Variants in MATR3 observed in about 807,000 individuals in gnomAD.
MATR3 encodes matrin 3, also known as matrin-3.
Under a neutral mutation model 85.5 loss-of-function variants are expected in MATR3, and 4 were observed. The observed-to-expected ratio is 0.05, with a 90% CI of 0.02 to 0.11. MATR3 has a LOEUF of 0.11. Ranked by LOEUF, MATR3 falls within the 10% of genes least tolerant of loss-of-function variation. MATR3 has a pLI of 1.00. For missense variants in MATR3, 685 were observed against 1,016.1 expected, an observed-to-expected ratio of 0.67 and a Z score of 4.43; for synonymous variants, 336 against 343.1, an observed-to-expected ratio of 0.98 and a Z score of 0.23.
chr5:139,277,295 A>T (rs567614135), intron 2 of MATR3, among the ~76,000 whole-genome samples: 3 of 152,166 alleles, frequency 2.0e-5, no homozygotes, highest in Admixed American at 2.0e-4. Flanking sequence ...GAGCCACTGC[A>T]CCGTGCCTGG....
At chr5:139,315,286 C>T (rs1053305460) in intron 3 of MATR3, 4 of 217,570 alleles carry the variant, frequency 1.8e-5, no homozygotes, top group African/African-American at 9.5e-5. Flanking sequence ...TTCACATATG[C>T]CTAACTCTGT....
At chr5:139,324,440 A>T (rs1755741496) in intron 12 of MATR3, among the ~76,000 whole-genome samples, 1 of 151,910 alleles carries the variant, frequency 6.6e-6, no homozygotes, top group Admixed American at 6.6e-5. Context: ...ACAGGTGTCC[A>T]CCACCACACG....
rs1299483173 is a variant in MATR3 at position 139,321,963 on chromosome 5, C to T, written c.1668C>T (p.Ala556=). ...MAMVDHCLKK[A]LWFQGRCVKV... ...TGGTTGACCATTGTTTGAAAAAAGC[C>T]CTTTGGTTTCAGGGGAGATGTGTGA... The change falls in exon 10 of 15, where the codon GCC becomes GCT. Residue 556 remains alanine, a synonymous_variant. Coordinates refer to ENST00000394805, the MANE Select transcript of MATR3 (RefSeq NM_018834.6). 6.2e-7 allele frequency: 1 copy of T among 1,613,870 alleles called. No individual in the cohort carries two copies. Among genetic ancestry groups the T allele is most frequent in the Admixed American group, 1.7e-5 (1 of 60,002 alleles).
intron 9 of MATR3, among the ~76,000 whole-genome samples, chr5:139,320,766 G>A (rs1193598442): frequency 3.6e-5 from 1 of 27,522 alleles, no homozygotes; most frequent in Non-Finnish European, 7.6e-5. Context: ...TTTTTTTTTT[G>A]AGACAGAGTC....
intron 14 of MATR3, among the ~76,000 whole-genome samples, chr5:139,327,470 G>A (rs956937806): frequency 2.6e-5 from 4 of 152,194 alleles, no homozygotes; most frequent in African/African-American, 4.8e-5. Flanking sequence ...GCCCAAGGCT[G>A]AAGTGCAATG....
In MATR3 at chr5:139,307,968, A is replaced by C. The variant is rs749903796; in HGVS notation, c.553A>C (p.Arg185=). The C allele has an allele frequency of 6.2e-7, 1 of 1,614,190 alleles. No individual in the cohort carries two copies. The highest frequency in any genetic ancestry group is 8.5e-7 in the Non-Finnish European group (1 of 1,180,032). ...RDDWEEKRHF[R]RDSFDDRGPS... is the part of the protein sequence containing the mutation. ...TGATTGGGAAGAAAAAAGGCACTTT[A>C]GAAGAGATAGTTTTGATGATCGTGG... The change falls in exon 2 of 15, where the codon AGA becomes CGA. Residue 185 remains arginine (R), a synonymous_variant. Coordinates refer to ENST00000394805, the MANE Select transcript of MATR3 (RefSeq NM_018834.6). This position sits in a 1 kb window ranked among gnomAD's most constrained non-coding sequence, Gnocchi z 4.4.
chr5:139,329,417 A>T lies in MATR3; in HGVS notation c.*22A>T, dbSNP rs1756019069. On this transcript the variant is annotated 3_prime_UTR_variant, in exon 15 of 15. Coordinates refer to ENST00000394805, the MANE Select transcript of MATR3 (RefSeq NM_018834.6). ...TTAAGATGTGCAAGGAGATTTAATG[A>T]TTTCAAAGAAAATAATGGTTCTTTG... The T allele has an allele frequency of 6.3e-7, 1 of 1,594,602 alleles. No homozygotes were observed. The highest frequency in any genetic ancestry group is 1.3e-5 in the African/African-American group (1 of 74,624).
At chr5:139,275,811 A>C (rs1753254879) in intron 1 of MATR3, among the ~76,000 whole-genome samples, 1 of 152,020 alleles carries the variant, frequency 6.6e-6, no homozygotes, top group Non-Finnish European at 1.5e-5. Flanking sequence ...GTAATATAAT[A>C]CCTCCATTCT....
At chr5:139,291,689 C>T (rs376392486), upstream of MATR3, among the ~76,000 whole-genome samples, 7 of 152,110 alleles carry the variant, frequency 4.6e-5, no homozygotes, top group African/African-American at 1.7e-4. Context: ...CTGGTATGCA[C>T]CACCATGCCC....
chr5:139,309,492 T>A (rs1754866455), intron 2 of MATR3, among the ~76,000 whole-genome samples: 1 of 152,200 alleles, frequency 6.6e-6, no homozygotes, highest in Non-Finnish European at 1.5e-5. Flanking sequence ...ATCATACCAT[T>A]GTTTTTAATA....
chr5:139,331,198 A>G lies in MATR3; in HGVS notation c.*1803A>G. On this transcript the variant is annotated 3_prime_UTR_variant, in exon 15 of 15. Transcript: ENST00000394805. ...AAGGATACTTCAAATAGTTGGCTAA[A>G]TTTTATGATCTCTCCCGTTGAAAAG... is the stretch of plus-strand genomic sequence containing the variant. 1 of 454,102 alleles carries G rather than the reference A, an allele frequency of 2.2e-6. No individual in the cohort carries two copies. Among genetic ancestry groups the G allele is most frequent in the Non-Finnish European group, 4.4e-6 (1 of 226,792 alleles). 28.1% of individuals were successfully genotyped at this position (454,102 alleles called of 1,614,324 possible).
intron 14 of MATR3, among the ~76,000 whole-genome samples, chr5:139,327,633 C>T (rs1251412873): frequency 6.6e-6 from 1 of 152,060 alleles, no homozygotes; most frequent in African/African-American, 2.4e-5. Flanking sequence ...GTTGGTCAGA[C>T]TGGTCTTGAA....
intron 3 of MATR3, 62 bp downstream of exon 3, chr5:139,314,798 T>G (rs1236575500): frequency 6.8e-7 from 1 of 1,468,754 alleles, no homozygotes. Flanking sequence ...CATTATTGGT[T>G]TTTGGGAGTT....
chr5:139,307,373 T>A lies in MATR3; in HGVS notation c.-43T>A, dbSNP rs12153162. The A allele has an allele frequency of 0.7, 1,052,602 of 1,507,718 alleles. 369,403 individuals are homozygous for A. The highest frequency in any genetic ancestry group is 0.74 in the Non-Finnish European group (834,271 of 1,126,872). The allele number at this position is 1,507,718 out of a possible 1,614,324, so 93.4% of individuals were successfully genotyped here. ...TTCTTTTTGGCCGTCTTTAAAAAAA[T>A]TTTTTTTTTTAATCTATAAAATAGA... is the stretch of plus-strand genomic sequence containing the variant. On this transcript the variant is annotated 5_prime_UTR_variant, in exon 2 of 15. Coordinates refer to ENST00000394805, the MANE Select transcript of MATR3 (RefSeq NM_018834.6). This position sits in a 1 kb window ranked among gnomAD's most constrained non-coding sequence, Gnocchi z 4.4.
intron 12 of MATR3, 49 bp downstream of exon 12, chr5:139,323,016 A>G: frequency 6.3e-7 from 1 of 1,578,928 alleles, no homozygotes; most frequent in East Asian, 2.2e-5. Flanking sequence ...AGATCAGATC[A>G]GTATTTCAAG....
chr5:139,321,118 G>T (rs1755545117), intron 9 of MATR3, among the ~76,000 whole-genome samples: 1 of 151,702 alleles, frequency 6.6e-6, no homozygotes, highest in Non-Finnish European at 1.5e-5. Context: ...AGTGATTCTT[G>T]GGGATTTTGT....
chr5:139,274,235 C>T (rs1753180042), intron 1 of MATR3: 3 of 357,436 alleles, frequency 8.4e-6, no homozygotes, highest in South Asian at 6.4e-5. Context: ...AGGGTGGCTT[C>T]TGCCGGGGCA....
chr5:139,314,857 G>A, intron 3 of MATR3, 121 bp downstream of exon 3: 1 of 831,102 alleles, frequency 1.2e-6, no homozygotes, highest in South Asian at 1.4e-5. Flanking sequence ...TAGTGGTACT[G>A]TATGGACAAT....
intron 1 of MATR3, among the ~76,000 whole-genome samples, chr5:139,304,500 G>GA (rs781328136): frequency 0.023 from 2,664 of 117,520 alleles, 35 homozygotes; most frequent in African/African-American, 0.049. Flanking sequence ...AACTCCATCT[G>GA]AAAAAAAAAA....
Sources: allele counts gnomAD v4.1 joint callset (sites outside exome capture counted in the v4.1 genomes callset), GRCh38; gene constraint gnomAD v4.1.1; non-coding constraint Gnocchi (gnomAD v3.1); transcripts MANE v1.5; gene names NCBI Gene and HGNC (gene_info 2026-07-23, HGNC 2026-07-21).